Variants in ITGAM observed in about 807,000 individuals in gnomAD.
The protein encoded by ITGAM is integrin subunit alpha M.
A neutral mutation model predicts 137.5 loss-of-function variants in ITGAM; 79 were observed. The observed-to-expected ratio is 0.57, with a 90% CI of 0.48 to 0.69. ITGAM has a LOEUF of 0.69. Among genes scored for constraint, ITGAM ranks in the 30% least tolerant of loss-of-function variants. ITGAM has a pLI of 0.00. For missense variants in ITGAM, 1,343 were observed against 1,483.5 expected (o/e 0.91, Z 1.56); for synonymous variants, 583 against 592.3 (o/e 0.98, Z 0.23).
chr16:31,260,768 A>G (rs577651928), intron 1 of ITGAM, among the ~76,000 whole-genome samples: 33 of 152,308 alleles, frequency 2.2e-4, no homozygotes, highest in African/African-American at 7.5e-4. Flanking sequence ...GGAGTCAGCA[A>G]ACAGTGGCCT....
chr16:31,295,396 G>A (rs1409684787), intron 12 of ITGAM, among the ~76,000 whole-genome samples: 1 of 151,650 alleles, frequency 6.6e-6, no homozygotes, highest in Admixed American at 6.6e-5. Context: ...TAGTTTTAGT[G>A]TACATGTTTT....
At chr16:31,270,865 C>T in intron 5 of ITGAM, 89 bp from the exon 6 acceptor site, 1 of 757,894 alleles carries the variant, frequency 1.3e-6, no homozygotes. Context: ...GTCCTATATT[C>T]TCATTGTTCA....
chr16:31,288,553 A>C (rs1005148559), intron 12 of ITGAM, among the ~76,000 whole-genome samples: 2 of 152,176 alleles, frequency 1.3e-5, no homozygotes, highest in Non-Finnish European at 2.9e-5. Context: ...CTGGCTAGCC[A>C]TATGTAGAAA....
chr16:31,330,527 C>T lies in ITGAM; in HGVS notation c.3198C>T (p.Ile1066=). The T allele has an allele frequency of 6.2e-7, 1 of 1,613,682 alleles. No homozygotes were observed. The highest frequency in any genetic ancestry group is 8.5e-7 in the Non-Finnish European group (1 of 1,179,682). ...YIKTSHNHLL[I]VSTAEILFND... is the part of the protein sequence containing the mutation. Reference sequence around the variant, plus strand: ...AGACCTCGCATAACCACCTCCTGATCGTGAGCACAGCTGAGATCTTGTTTA... The same window carrying T: ...AGACCTCGCATAACCACCTCCTGATTGTGAGCACAGCTGAGATCTTGTTTA... The change falls in exon 28 of 30, where the codon ATC becomes ATT. Residue 1066 remains isoleucine (I), a synonymous_variant. Transcript: ENST00000544665.
Position 31,271,838 on chromosome 16 carries a change from C to T in ITGAM, c.559-9C>T. The T allele has an allele frequency of 3.1e-6, 5 of 1,613,936 alleles. No individual in the cohort carries two copies. The highest frequency in any genetic ancestry group is 1.1e-5 in the South Asian group (1 of 91,076). The stretch of plus-strand genomic sequence containing the variant: ...TTCTCCAGCATCACACCAGCCGCCC[C>T]CTCCGCAGTTCTCTTTGATGCAGTA... On this transcript the variant is annotated splice_polypyrimidine_tract_variant and intron_variant, in intron 6 of 29. Coordinates refer to ENST00000544665, the MANE Select transcript of ITGAM (RefSeq NM_000632.4).
intron 11 of ITGAM, among the ~76,000 whole-genome samples, chr16:31,277,435 C>T (rs1413588998): frequency 1.3e-5 from 2 of 151,714 alleles, no homozygotes; most frequent in Non-Finnish European, 2.9e-5. Flanking sequence ...CTTGGCTCAC[C>T]ACAACCTCCG....
intron 5 of ITGAM, among the ~76,000 whole-genome samples, chr16:31,267,492 C>T (rs2079782575): frequency 6.6e-6 from 1 of 152,088 alleles, no homozygotes; most frequent in South Asian, 2.1e-4. Flanking sequence ...TGTAACACCG[C>T]ACTTTCTCCT....
chr16:31,329,530 CATG>C (rs2080553218), intron 24 of ITGAM, among the ~76,000 whole-genome samples: 1 of 152,164 alleles, frequency 6.6e-6, no homozygotes, highest in Non-Finnish European at 1.5e-5. Flanking sequence ...GGGGCACTGT[CATG>C]ATCCCCAGTT....
Position 31,287,383 on chromosome 16 carries a change from T to C in ITGAM, c.1356+9274T>C, listed in dbSNP as rs1315068540. On this transcript the variant is annotated intron_variant, in intron 12 of 29. Transcript: ENST00000544665. Reference sequence around the variant, plus strand: ...TTTTTGTTCCGTATTAATTTTAGAATAGTTTTTTCTATCTGTGAACAATGG... The same window carrying C: ...TTTTTGTTCCGTATTAATTTTAGAACAGTTTTTTCTATCTGTGAACAATGG... Among the ~76,000 whole-genome samples, 54 of 152,214 alleles carry C rather than the reference T, an allele frequency of 3.5e-4. 1 individual carries two copies. Among genetic ancestry groups the C allele is most frequent in the Non-Finnish European group, 4.4e-5 (3 of 68,042 alleles).
At position 31,266,095 on chromosome 16, in the gene ITGAM, G is replaced by C. The variant is rs763729166; in HGVS notation, c.375G>C (p.Leu125=). 5.7e-5 allele frequency: 92 copies of C among 1,613,846 alleles called. 2 individuals are homozygous for C. The South Asian group carries it at 8.9e-4, about 16-fold the overall frequency. ...CGTATGTGAAAGGGCTCTGCTTCCTGTTTGGATCCAACCTACGGCAGCAGC... is the reference window on the plus strand; with the variant it reads ...CGTATGTGAAAGGGCTCTGCTTCCTCTTTGGATCCAACCTACGGCAGCAGC... ...ENTYVKGLCF[L]FGSNLRQQPQ... The change falls in exon 5 of 30, where the codon CTG becomes CTC. Residue 125 remains leucine (L), a synonymous_variant. Coordinates refer to ENST00000544665, the MANE Select transcript of ITGAM (RefSeq NM_000632.4).
chr16:31,261,679 A>G lies in ITGAM; in HGVS notation c.29-13A>G, dbSNP rs1278380841. The G allele has an allele frequency of 6.3e-7, 1 of 1,578,280 alleles. No homozygotes were observed. The highest frequency in any genetic ancestry group is 8.7e-7 in the Non-Finnish European group (1 of 1,152,922). On this transcript the variant is annotated splice_polypyrimidine_tract_variant and intron_variant, in intron 1 of 29. Coordinates refer to ENST00000544665, the MANE Select transcript of ITGAM (RefSeq NM_000632.4). The stretch of plus-strand genomic sequence containing the variant: ...CTTTCCTCTGCTTGATCCTTCCCCC[A>G]TTCTCCCTTTAGCCTTGACCTTATG...
Position 31,329,780 on chromosome 16 carries a change from C to A in ITGAM, c.2869-18C>A. 6.5e-7 allele frequency: 1 copy of A among 1,546,240 alleles called. No individual in the cohort carries two copies. Reference sequence around the variant, plus strand: ...GGGGAGGAAGGCCAGAGCCCTGACCCCGCCCTCCCCGGTGCAGGTCAGCAA... The same window carrying A: ...GGGGAGGAAGGCCAGAGCCCTGACCACGCCCTCCCCGGTGCAGGTCAGCAA... On this transcript the variant is annotated intron_variant, in intron 24 of 29. Coordinates refer to ENST00000544665, the MANE Select transcript of ITGAM (RefSeq NM_000632.4).
intron 14 of ITGAM, among the ~76,000 whole-genome samples, chr16:31,318,248 G>A (rs929234361): frequency 6.6e-6 from 1 of 151,890 alleles, no homozygotes; most frequent in Non-Finnish European, 1.5e-5. Context: ...TTATTGCTAT[G>A]GCATCAGTTG....
rs773006854 is a variant in ITGAM, at chr16:31,325,516, G to C, written c.2522G>C (p.Arg841Pro). The C allele has an allele frequency of 6.2e-7, 1 of 1,613,926 alleles. No homozygotes were observed. Among genetic ancestry groups the C allele is most frequent in the South Asian group, 1.1e-5 (1 of 91,074 alleles). Residue 841 changes from arginine to proline, a missense_variant, in exon 21 of 30, where the codon CGA becomes CCA. Arg to Pro is a moderately radical substitution (Grantham distance 103). Coordinates refer to ENST00000544665, the MANE Select transcript of ITGAM (RefSeq NM_000632.4). Reference sequence around the variant, plus strand: ...GCCTTCCAGAACCAGCGCTCACAGCGATCCTGGCGCCTGGCCTGTGAGTCT... The same window carrying C: ...GCCTTCCAGAACCAGCGCTCACAGCCATCCTGGCGCCTGGCCTGTGAGTCT... ...VSTLQNQRSQRSWRLACESAS... is the reference protein window; with the variant it reads ...VSTLQNQRSQPSWRLACESAS...
At chr16:31,293,989 T>C (rs1302057054) in intron 12 of ITGAM, among the ~76,000 whole-genome samples, 1 of 152,160 alleles carries the variant, frequency 6.6e-6, no homozygotes, top group East Asian at 1.9e-4. Flanking sequence ...ATTTTATTCT[T>C]TTTGTGGCAA....
intron 12 of ITGAM, among the ~76,000 whole-genome samples, chr16:31,296,206 G>A (rs946319532): frequency 6.0e-5 from 9 of 149,076 alleles, no homozygotes; most frequent in African/African-American, 2.0e-4. Context: ...CCAGGTTCAC[G>A]CCATTCTCCT....
In ITGAM at chr16:31,276,931, G is replaced by A; in HGVS notation, c.1095G>A (p.Leu365=). ...TACACCTTTCCCAGAATGGCCCCTT[G>A]CTGAGCACTGTGGGGAGCTATGACT... ...FSAAITSNGP[L]LSTVGSYDWA... The change falls in exon 11 of 30, where the codon TTG becomes TTA. Residue 365 remains leucine, a synonymous_variant. Transcript: ENST00000544665. The A allele has an allele frequency of 6.2e-7, 1 of 1,612,784 alleles. No individual in the cohort carries two copies. Among genetic ancestry groups the A allele is most frequent in the Non-Finnish European group, 8.5e-7 (1 of 1,179,374 alleles).
In ITGAM at chr16:31,260,077, G is replaced by T; in HGVS notation, c.13G>T (p.Val5Phe). 6.6e-7 allele frequency: 1 copy of T among 1,520,842 alleles called. No homozygotes were observed. Among genetic ancestry groups the T allele is most frequent in the Non-Finnish European group, 8.9e-7 (1 of 1,124,600 alleles). The allele number at this position is 1,520,842 out of a possible 1,614,324, so 94.2% of individuals were successfully genotyped here. A position where few individuals can be genotyped will look rare whatever the true frequency, so the allele number is the denominator to read the frequency against. The change falls in exon 1 of 30, where the codon GTC becomes TTC. Residue 5 changes from valine to phenylalanine, a missense_variant. By Grantham distance (50) the Val-to-Phe change is conservative (BLOSUM62 -1). Transcript: ENST00000544665. MALR[V>F]LLLTALTLCH... The stretch of plus-strand genomic sequence containing the variant: ...GCTCCTTCCAGCCATGGCTCTCAGA[G>T]TCCTTCTGTTAACAGGTGCATGGGG...
Position 31,318,490 on chromosome 16 carries a change from C to T in ITGAM, c.1708-2751C>T, listed in dbSNP as rs576454529. 2.1e-3 allele frequency among the ~76,000 whole-genome samples: 324 copies of T among 151,970 alleles called. 2 individuals carry two copies. Among genetic ancestry groups the T allele is most frequent in the African/African-American group, 7.4e-3 (307 of 41,446 alleles). On this transcript the variant is annotated intron_variant, in intron 14 of 29. Coordinates refer to ENST00000544665, the MANE Select transcript of ITGAM (RefSeq NM_000632.4). ...TCCTGAGTAGCTGGCATTACAAGCA[C>T]GTGCCACCACACCTGGCTGATTTTC...
Sources: allele counts gnomAD v4.1 joint callset (sites outside exome capture counted in the v4.1 genomes callset), GRCh38; gene constraint gnomAD v4.1.1; transcripts MANE v1.5; gene names NCBI Gene and HGNC (gene_info 2026-07-23, HGNC 2026-07-21).